Variants in EYA4 observed in about 807,000 individuals in gnomAD.
EYA4 encodes EYA transcriptional coactivator and phosphatase 4, also known as protein phosphatase EYA4.
Under a neutral mutation model 87.9 loss-of-function variants are expected in EYA4, and 31 were observed. That is an observed-to-expected ratio of 0.35 (90% CI 0.27 to 0.48). The LOEUF (loss-of-function observed/expected upper bound fraction) is 0.48, where lower values mean the gene tolerates loss of function less well. EYA4 is among the 20% of genes least tolerant of loss of function. The probability of loss-of-function intolerance (pLI) is 0.99; values close to 1 mark genes in which losing one functional copy is unlikely to be tolerated. For missense variants in EYA4, 678 were observed against 761.4 expected, an observed-to-expected ratio of 0.89 and a Z score of 1.29; for synonymous variants, 263 against 270.6, an observed-to-expected ratio of 0.97 and a Z score of 0.28.
At chr6:133,511,868 C>G (rs1328653507) in intron 14 of EYA4, 1 of 152,028 alleles carries the variant, frequency 6.6e-6, no homozygotes, top group Non-Finnish European at 1.5e-5. Context: ...GTAGTCCCAG[C>G]TACTCGGGAG....
At chr6:133,308,928 A>T (rs2128327805) in intron 2 of EYA4, among the ~76,000 whole-genome samples, 1 of 150,034 alleles carries the variant, frequency 6.7e-6, no homozygotes, top group African/African-American at 2.5e-5. Context: ...TAACTTAAAA[A>T]TTTTTCAGAG....
chr6:133,243,145 A>T (rs748556467), intron 1 of EYA4, among the ~76,000 whole-genome samples: 2 of 145,392 alleles, frequency 1.4e-5, no homozygotes, highest in Non-Finnish European at 3.0e-5. Flanking sequence ...TGAGGAGGTA[A>T]CAGGACTCTG....
At chr6:133,411,440 A>G (rs1789223068) in intron 3 of EYA4, among the ~76,000 whole-genome samples, 1 of 152,208 alleles carries the variant, frequency 6.6e-6, no homozygotes, top group Non-Finnish European at 1.5e-5. Flanking sequence ...TGTTCTTTTT[A>G]GAAAATCAGA....
chr6:133,499,861 G>C (rs1019034361), intron 13 of EYA4, among the ~76,000 whole-genome samples: 1 of 151,942 alleles, frequency 6.6e-6, no homozygotes, highest in Non-Finnish European at 1.5e-5. Context: ...GCTGGCTCAA[G>C]TCCAGCCGTC....
intron 10 of EYA4, among the ~76,000 whole-genome samples, chr6:133,466,788 G>T (rs1393881540): frequency 1.3e-5 from 2 of 150,908 alleles, no homozygotes; most frequent in Non-Finnish European, 1.5e-5. Flanking sequence ...AAAAAAAAAA[G>T]GCTGGAGTTC....
At chr6:133,488,795 C>G (rs1372119285) in intron 13 of EYA4, among the ~76,000 whole-genome samples, 1 of 152,128 alleles carries the variant, frequency 6.6e-6, no homozygotes, top group Admixed American at 6.5e-5. Flanking sequence ...CCAAAAAGGA[C>G]AGGTATAAAG....
intron 3 of EYA4, among the ~76,000 whole-genome samples, chr6:133,382,881 A>G (rs1267019757): frequency 6.6e-6 from 1 of 151,894 alleles, no homozygotes; most frequent in East Asian, 1.9e-4. Context: ...TAGGAAACTC[A>G]TAGTTAATTT....
intron 2 of EYA4, among the ~76,000 whole-genome samples, chr6:133,313,879 A>T (rs1392231507): frequency 7.1e-6 from 1 of 141,110 alleles, no homozygotes; most frequent in Non-Finnish European, 1.6e-5. Context: ...TTCCATGAGG[A>T]TCTTTCTGAT....
chr6:133,398,427 G>A (rs1208613622), intron 3 of EYA4, among the ~76,000 whole-genome samples: 2 of 152,102 alleles, frequency 1.3e-5, no homozygotes, highest in Non-Finnish European at 2.9e-5. Context: ...GTTATCAGTT[G>A]GTTGAACTCT....
At chr6:133,290,553 G>T (rs528795456) in intron 2 of EYA4, among the ~76,000 whole-genome samples, 2 of 152,186 alleles carry the variant, frequency 1.3e-5, no homozygotes, top group African/African-American at 4.8e-5. Context: ...GTCTGTAATG[G>T]TTTTTCTACA....
intron 2 of EYA4, among the ~76,000 whole-genome samples, chr6:133,301,684 A>G (rs1388700788): frequency 6.6e-6 from 1 of 152,246 alleles, no homozygotes; most frequent in Admixed American, 6.5e-5. Flanking sequence ...TAACATGTAC[A>G]ATATGAGAGC....
intron 13 of EYA4, among the ~76,000 whole-genome samples, chr6:133,494,721 G>A (rs1797483808): frequency 6.6e-6 from 1 of 151,530 alleles, no homozygotes; most frequent in Non-Finnish European, 1.5e-5. Flanking sequence ...GCATGGTGGT[G>A]TATGCCTGTA....
intron 2 of EYA4, among the ~76,000 whole-genome samples, chr6:133,313,539 A>C (rs1334764385): frequency 1.3e-5 from 2 of 152,228 alleles, no homozygotes; most frequent in African/African-American, 4.8e-5. Context: ...TTTAGATACT[A>C]ATTAGGATAA....
In EYA4 at chr6:133,456,567, G is replaced by A. The variant is rs1281362848; in HGVS notation, c.289G>A (p.Ala97Thr). 1 of 1,611,458 alleles carries A rather than the reference G, an allele frequency of 6.2e-7. No individual in the cohort carries two copies. The highest frequency in any genetic ancestry group is 1.3e-5 in the African/African-American group (1 of 74,812). Residue 97 changes from alanine to threonine, a missense_variant, in exon 6 of 20, where the codon GCA becomes ACA. Ala to Thr is a moderately conservative substitution (Grantham distance 58). Coordinates refer to ENST00000355286, the MANE Select transcript of EYA4 (RefSeq NM_004100.5). ...ATTCTTCTACGTAGTGTCTCTTCTT[G>A]CAGTCAAAACAGAGCCCTTGAACAG... Reference protein sequence around the residue: ...TPSSATMSLLAVKTEPLNSSE... With the variant: ...TPSSATMSLLTVKTEPLNSSE...
rs895186297 is a variant in EYA4 at position 133,530,159 on chromosome 6, C to G, written c.*1354C>G. 3.0e-6 allele frequency: 3 copies of G among 984,834 alleles called. No individual in the cohort carries two copies. The African/African-American group carries it at 5.2e-5, about 17-fold the overall frequency. 61.0% of individuals were successfully genotyped at this position (984,834 alleles called of 1,614,324 possible). A position where few individuals can be genotyped will look rare whatever the true frequency, so the allele number is the denominator to read the frequency against. ...AATTAAATTAGCAAGTGCGCTGGAT[C>G]TTGGCAGCGCTGCTGAAATGACAAC... On this transcript the variant is annotated 3_prime_UTR_variant, in exon 20 of 20. Transcript: ENST00000355286.
chr6:133,505,417 A>T (rs149626731), intron 13 of EYA4, among the ~76,000 whole-genome samples: 96 of 152,296 alleles, frequency 6.3e-4, no homozygotes, highest in Middle Eastern at 6.8e-3. Flanking sequence ...CCCAAAGCAT[A>T]TATTTTTTAC....
In EYA4 at chr6:133,483,032, C is replaced by T. The variant is rs576607924; in HGVS notation, c.1108C>T (p.Arg370Cys). 4.3e-6 allele frequency: 7 copies of T among 1,611,618 alleles called. No homozygotes were observed. The highest frequency in any genetic ancestry group is 2.2e-5 in the South Asian group (2 of 90,980). The stretch of plus-strand genomic sequence containing the variant: ...TCTGATATTTATTTTTTGTCTTCAG[C>T]GTGTGTTTGTCTGGGATTTGGATGA... ...PSPPPDSDLERVFVWDLDETI... is the reference protein window; with the variant it reads ...PSPPPDSDLECVFVWDLDETI... The change falls in exon 13 of 20, where the codon CGT (arginine) becomes TGT (cysteine). Residue 370 changes from arginine (R) to cysteine (C), a missense_variant and splice_region_variant. By Grantham distance (180) the Arg-to-Cys change is radical. Transcript: ENST00000355286.
intron 2 of EYA4, among the ~76,000 whole-genome samples, chr6:133,376,519 G>A (rs748343468): frequency 2.0e-5 from 3 of 151,448 alleles, no homozygotes; most frequent in Admixed American, 2.0e-4. Context: ...AATGTTTCAC[G>A]ATTTGTAATC....
At position 133,448,164 on chromosome 6, in the gene EYA4, C is replaced by A. The variant is rs148246473; in HGVS notation, c.262C>A (p.Pro88Thr). The A allele has an allele frequency of 6.8e-6, 11 of 1,612,904 alleles. No individual in the cohort carries two copies. Among genetic ancestry groups the A allele is most frequent in the Admixed American group, 1.7e-5 (1 of 59,996 alleles). The change falls in exon 5 of 20, where the codon CCC (proline) becomes ACC (threonine). Residue 88 changes from proline to threonine, a missense_variant. Pro to Thr is a conservative substitution (Grantham distance 38). Coordinates refer to ENST00000355286, the MANE Select transcript of EYA4 (RefSeq NM_004100.5). The stretch of plus-strand genomic sequence containing the variant: ...AGACTGGTTGCTGAGTTGCAACACC[C>A]CCTCTTCTGCAACAAGTATGAGAGA... ...TADWLLSCNT[P>T]SSATMSLLAV...
Sources: gnomAD v4.1 joint callset for allele counts (sites outside exome capture counted in the v4.1 genomes callset) on GRCh38, gnomAD v4.1.1 for gene constraint, MANE v1.5 for transcripts, NCBI Gene and HGNC (gene_info 2026-07-23, HGNC 2026-07-21) for gene names.